The following RSRC1 variants were observed in gnomAD, a reference collection of about 807,000 sequenced individuals.
The protein encoded by RSRC1 is serine/Arginine-related protein 53.
In RSRC1, 39 loss-of-function variants were observed where a neutral mutation model predicts 49.1. The observed-to-expected ratio is 0.79, with a 90% CI of 0.61 to 1.04. RSRC1 has a LOEUF of 1.04. Among genes scored for constraint, RSRC1 ranks in the 50% least tolerant of loss-of-function variants. RSRC1 has a pLI of 0.00. For missense variants in RSRC1, 388 were observed against 402.4 expected, an observed-to-expected ratio of 0.96 and a Z score of 0.31; for synonymous variants, 143 against 130.8, an observed-to-expected ratio of 1.09 and a Z score of -0.63.
intron 4 of RSRC1, among the ~76,000 whole-genome samples, chr3:158,290,491 G>A (rs911371005): frequency 2.6e-5 from 4 of 152,016 alleles, no homozygotes; most frequent in Admixed American, 2.6e-4. Context: ...TAGCCAGGAT[G>A]GTCTCGATTT....
rs948925501 is a variant in RSRC1 at position 158,516,821 on chromosome 3, G to A, written c.653-20271G>A. On this transcript the variant is annotated intron_variant, in intron 7 of 9. Transcript: ENST00000611884. ...TGGTGCGCTATTTTTTAAGCCCGTC[G>A]GAAAAGTGCGGTATTCAGGTGGGAG... Among the ~76,000 whole-genome samples the A allele has an allele frequency of 3.6e-4, 55 of 152,188 alleles. 1 individual carries two copies. The highest frequency in any genetic ancestry group is 5.3e-4 in the Non-Finnish European group (36 of 68,024).
chr3:158,275,337 A>T (rs1400085258), intron 4 of RSRC1, among the ~76,000 whole-genome samples: 1 of 152,150 alleles, frequency 6.6e-6, no homozygotes, highest in East Asian at 1.9e-4. Context: ...TATAATCATG[A>T]CATAGTTAAG....
intron 6 of RSRC1, among the ~76,000 whole-genome samples, chr3:158,388,941 G>A (rs1343122372): frequency 6.6e-6 from 1 of 151,986 alleles, no homozygotes; most frequent in African/African-American, 2.4e-5. Flanking sequence ...CTTACCCCTT[G>A]AAATATACTA....
intron 6 of RSRC1, among the ~76,000 whole-genome samples, chr3:158,451,634 A>G (rs1737040806): frequency 6.6e-6 from 1 of 152,064 alleles, no homozygotes; most frequent in Non-Finnish European, 1.5e-5. Flanking sequence ...ATCTTTGTTT[A>G]TTATCTCAAA....
At chr3:158,343,668 C>T (rs1730379146) in intron 5 of RSRC1, among the ~76,000 whole-genome samples, 1 of 152,072 alleles carries the variant, frequency 6.6e-6, no homozygotes, top group Admixed American at 6.6e-5. Context: ...GAAGGCTATA[C>T]AGCTGAAATG....
Position 158,366,603 on chromosome 3 carries a change from T to C in RSRC1, c.583+11695T>C, listed in dbSNP as rs561807589. Among the ~76,000 whole-genome samples, 16 of 152,328 alleles carry C rather than the reference T, an allele frequency of 1.1e-4. No individual in the cohort carries two copies. The South Asian group carries it at 2.3e-3, about 22-fold the overall frequency. On this transcript the variant is annotated intron_variant, in intron 6 of 9. Transcript: ENST00000611884. Reference sequence around the variant, plus strand: ...CATGATACCTCCAGCTTTGTTCTTTTTGCTTAGGATTGTCTTGGCTATATG... The same window carrying C: ...CATGATACCTCCAGCTTTGTTCTTTCTGCTTAGGATTGTCTTGGCTATATG...
At chr3:158,358,613 CAT>C (rs1323906911) in intron 6 of RSRC1, among the ~76,000 whole-genome samples, 3 of 152,036 alleles carry the variant, frequency 2.0e-5, no homozygotes, top group African/African-American at 7.3e-5. Flanking sequence ...ATTTACATAA[CAT>C]AAAATTAATC....
chr3:158,426,850 G>A (rs1436286463), intron 6 of RSRC1, among the ~76,000 whole-genome samples: 1 of 151,714 alleles, frequency 6.6e-6, no homozygotes, highest in African/African-American at 2.4e-5. Context: ...ATGGGGGTTA[G>A]CCTAGCCGGC....
intron 6 of RSRC1, among the ~76,000 whole-genome samples, chr3:158,405,784 G>A (rs1734133325): frequency 6.6e-6 from 1 of 152,134 alleles, no homozygotes; most frequent in African/African-American, 2.4e-5. Flanking sequence ...AGAATGGGAA[G>A]AAGGCATGGC....
intron 3 of RSRC1, among the ~76,000 whole-genome samples, chr3:158,171,039 G>T (rs192111149): frequency 6.6e-6 from 1 of 152,232 alleles, no homozygotes; most frequent in East Asian, 1.9e-4. Context: ...AGTAACCCCA[G>T]AAAAGAGAGA....
intron 3 of RSRC1, among the ~76,000 whole-genome samples, chr3:158,147,909 A>G (rs927733726): frequency 3.3e-5 from 5 of 152,166 alleles, no homozygotes; most frequent in African/African-American, 1.2e-4. Flanking sequence ...TTTTCAATCC[A>G]TTGCAGACTA....
At chr3:158,440,809 G>A (rs535565088) in intron 6 of RSRC1, among the ~76,000 whole-genome samples, 1 of 152,110 alleles carries the variant, frequency 6.6e-6, no homozygotes, top group Admixed American at 6.5e-5. Flanking sequence ...TGGGTGTGGT[G>A]GCGCTGCCTG....
At chr3:158,455,503 A>G (rs1434787552) in intron 6 of RSRC1, among the ~76,000 whole-genome samples, 1 of 152,140 alleles carries the variant, frequency 6.6e-6, no homozygotes, top group Admixed American at 6.5e-5. Context: ...CCAATCCCCT[A>G]TGGAATTTTA....
chr3:158,379,527 G>C (rs1003899624), intron 6 of RSRC1, among the ~76,000 whole-genome samples: 5 of 151,972 alleles, frequency 3.3e-5, no homozygotes, highest in Non-Finnish European at 7.4e-5. Flanking sequence ...AGAACCTAAT[G>C]CCTACTCCAG....
At chr3:158,113,404 CTG>C (rs1714555070) in intron 1 of RSRC1, among the ~76,000 whole-genome samples, 1 of 146,902 alleles carries the variant, frequency 6.8e-6, no homozygotes, top group East Asian at 2.0e-4. Flanking sequence ...GAGTCTCACT[CTG>C]TCACCAGGCT....
intron 4 of RSRC1, among the ~76,000 whole-genome samples, chr3:158,211,343 C>T (rs1721661504): frequency 6.6e-6 from 1 of 151,876 alleles, no homozygotes. Context: ...TACATGAACA[C>T]TTGCCAAAGA....
At chr3:158,133,126 T>C (rs1716145422) in intron 3 of RSRC1, among the ~76,000 whole-genome samples, 1 of 152,182 alleles carries the variant, frequency 6.6e-6, no homozygotes, top group African/African-American at 2.4e-5. Flanking sequence ...AAATGTAATA[T>C]GAAAAACTAA....
At chr3:158,213,469 A>T (rs1356408048) in intron 4 of RSRC1, among the ~76,000 whole-genome samples, 1 of 150,652 alleles carries the variant, frequency 6.6e-6, no homozygotes, top group Non-Finnish European at 1.5e-5. Flanking sequence ...ACAGGAAGAT[A>T]AGGATAAATC....
At chr3:158,295,062 T>G (rs1727159433) in intron 4 of RSRC1, among the ~76,000 whole-genome samples, 1 of 152,176 alleles carries the variant, frequency 6.6e-6, no homozygotes, top group Non-Finnish European at 1.5e-5. Flanking sequence ...TAAATAGGCA[T>G]TTATAAAATA....
Sources: allele counts gnomAD v4.1 joint callset (sites outside exome capture counted in the v4.1 genomes callset), GRCh38; gene constraint gnomAD v4.1.1; transcripts MANE v1.5; gene names NCBI Gene and HGNC (gene_info 2026-07-23, HGNC 2026-07-21).